GRM7: variants seen among roughly 807,000 people sequenced by gnomAD.
The protein encoded by GRM7 is metabotropic glutamate receptor 7.
GRM7 carries 35 observed loss-of-function variants against 84.5 expected under a neutral mutation model. That is an observed-to-expected ratio of 0.41 (90% CI 0.32 to 0.55). The LOEUF is 0.55. Among genes scored for constraint, GRM7 ranks in the 20% least tolerant of loss-of-function variants. GRM7 has a pLI of 0.19. For synonymous variants in GRM7, 487 were observed against 455.1 expected (o/e 1.07, Z -0.89); for missense variants, 1,003 against 1,194.6 (o/e 0.84, Z 2.36).
chr3:7,698,826 C>G (rs1701116395), intron 9 of GRM7, among the ~76,000 whole-genome samples: 1 of 152,140 alleles, frequency 6.6e-6, no homozygotes, highest in Admixed American at 6.5e-5. Context: ...ATGGGTAAGC[C>G]TGGAGAAGAG....
At position 7,415,180 on chromosome 3, in the gene GRM7, T is replaced by G. The variant is rs754515522; in HGVS notation, c.1174+17T>G. 6.2e-7 allele frequency: 1 copy of G among 1,608,752 alleles called. No individual in the cohort carries two copies. Among genetic ancestry groups the G allele is most frequent in the East Asian group, 2.2e-5 (1 of 44,790 alleles). On this transcript the variant is annotated intron_variant, in intron 5 of 9. Transcript: ENST00000357716. The stretch of plus-strand genomic sequence containing the variant: ...AATGCACAGGTAATTTAATTCTCGT[T>G]GTCCTTCTCCTATTACTCTACGTGG...
At chr3:7,023,673 G>C (rs996227480) in intron 1 of GRM7, among the ~76,000 whole-genome samples, 5 of 152,132 alleles carry the variant, frequency 3.3e-5, no homozygotes, top group Non-Finnish European at 7.4e-5. Flanking sequence ...AGAGGCCCTT[G>C]GTGTTCCTGG....
chr3:6,942,436 A>G (rs894900687), intron 1 of GRM7, among the ~76,000 whole-genome samples: 2 of 152,140 alleles, frequency 1.3e-5, no homozygotes, highest in Non-Finnish European at 2.9e-5. Flanking sequence ...TTGTTAATTA[A>G]GCTTCCGTCA....
intron 7 of GRM7, among the ~76,000 whole-genome samples, chr3:7,526,831 A>G (rs1338095095): frequency 2.0e-5 from 3 of 151,818 alleles, no homozygotes; most frequent in African/African-American, 7.2e-5. Flanking sequence ...AGATTAGTTG[A>G]TTGTAGGTGT....
rs1575091923 is a variant in GRM7 at position 7,259,517 on chromosome 3, C to G, written c.737-39167C>G. 2.6e-5 allele frequency among the ~76,000 whole-genome samples: 4 copies of G among 152,262 alleles called. 1 individual carries two copies. Among genetic ancestry groups the G allele is most frequent in the Admixed American group, 2.6e-4 (4 of 15,296 alleles). The stretch of plus-strand genomic sequence containing the variant: ...ATGTGTTCTCATCATTTAGCCCCCA[C>G]TTATAAGTGATAATATGTGGTATTT... On this transcript the variant is annotated intron_variant, in intron 2 of 9. Coordinates refer to ENST00000357716, the MANE Select transcript of GRM7 (RefSeq NM_000844.4).
chr3:7,477,166 G>T (rs9877337), intron 7 of GRM7, among the ~76,000 whole-genome samples: 19,071 of 152,098 alleles, frequency 0.13, 3,913 homozygotes, highest in African/African-American at 0.43. Context: ...AACTACAGTT[G>T]AGAGAGAAGA....
chr3:7,172,846 A>G (rs886326678), intron 2 of GRM7, among the ~76,000 whole-genome samples: 2 of 152,204 alleles, frequency 1.3e-5, no homozygotes, highest in African/African-American at 2.4e-5. Flanking sequence ...TAATGGATAC[A>G]GATACTATGC....
At chr3:7,649,285 A>T (rs897716706) in intron 8 of GRM7, among the ~76,000 whole-genome samples, 1 of 151,952 alleles carries the variant, frequency 6.6e-6, no homozygotes, top group Non-Finnish European at 1.5e-5. Flanking sequence ...TAGCCAGGAT[A>T]GTCCCGATCT....
intron 4 of GRM7, among the ~76,000 whole-genome samples, chr3:7,377,391 C>G (rs897311406): frequency 1.3e-5 from 2 of 152,158 alleles, no homozygotes; most frequent in Non-Finnish European, 2.9e-5. Context: ...ACTGAATCTT[C>G]TCTTTTGTAA....
intron 7 of GRM7, among the ~76,000 whole-genome samples, chr3:7,481,556 G>A (rs898160214): frequency 1.3e-5 from 2 of 152,150 alleles, no homozygotes; most frequent in African/African-American, 4.8e-5. Context: ...GCCTCTCTGG[G>A]CCTCAGTTTC....
At chr3:6,943,733 G>A (rs1697967181) in intron 1 of GRM7, among the ~76,000 whole-genome samples, 1 of 151,888 alleles carries the variant, frequency 6.6e-6, no homozygotes, top group East Asian at 1.9e-4. Context: ...TCACCTGTTG[G>A]GTTATGTTTG....
chr3:7,113,512 A>G (rs181033889), intron 1 of GRM7, among the ~76,000 whole-genome samples: 1 of 152,238 alleles, frequency 6.6e-6, no homozygotes, highest in Admixed American at 6.5e-5. Flanking sequence ...AGCATCCCAA[A>G]GTGCTGGGAT....
chr3:7,474,673 T>C (rs990441703), intron 7 of GRM7, among the ~76,000 whole-genome samples: 4 of 152,168 alleles, frequency 2.6e-5, no homozygotes, highest in Admixed American at 6.6e-5. Flanking sequence ...TGCATTTGAC[T>C]GATTGTGGAG....
intron 1 of GRM7, among the ~76,000 whole-genome samples, chr3:6,954,279 T>G (rs561089539): frequency 6.6e-6 from 1 of 152,220 alleles, no homozygotes; most frequent in Admixed American, 6.5e-5. Flanking sequence ...ACCTTGTTGT[T>G]AACTATAGTC....
rs554570350 is a variant in GRM7, at chr3:7,715,897, C to G, written c.2699-24460C>G. ...GCTACTGCAGGTATTTGTCTCTTCT[C>G]CCACTCTGCTCATTTCCACCTCCTC... On this transcript the variant is annotated intron_variant, in intron 9 of 9. Coordinates refer to ENST00000357716, the MANE Select transcript of GRM7 (RefSeq NM_000844.4). Among the ~76,000 whole-genome samples the G allele has an allele frequency of 1.2e-4, 19 of 152,280 alleles. No individual in the cohort carries two copies. In the South Asian group the frequency reaches 3.5e-3, roughly 28 times the overall value.
At chr3:7,017,447 C>T (rs746174506) in intron 1 of GRM7, among the ~76,000 whole-genome samples, 1 of 152,092 alleles carries the variant, frequency 6.6e-6, no homozygotes, top group Non-Finnish European at 1.5e-5. Flanking sequence ...GCTGGGCAAG[C>T]GAGTCAATTT....
chr3:7,526,280 C>G lies in GRM7; in HGVS notation c.1516-52142C>G, dbSNP rs192305431. Among the ~76,000 whole-genome samples, 50 of 152,256 alleles carry G rather than the reference C, an allele frequency of 3.3e-4. No homozygotes were observed. In the East Asian group the frequency reaches 7.0e-3, roughly 21 times the overall value. On this transcript the variant is annotated intron_variant, in intron 7 of 9. Transcript: ENST00000357716. Reference sequence around the variant, plus strand: ...CACATAGTGGTTTTGATTAGTGTCTCTCTGCCAACTGGTGATGTAAAGCTT... The same window carrying G: ...CACATAGTGGTTTTGATTAGTGTCTGTCTGCCAACTGGTGATGTAAAGCTT...
At chr3:7,061,711 G>C (rs1697439374) in intron 1 of GRM7, among the ~76,000 whole-genome samples, 2 of 151,718 alleles carry the variant, frequency 1.3e-5, no homozygotes, top group East Asian at 3.9e-4. Context: ...AGGAGAGTAA[G>C]AACAGAAGCT....
chr3:7,125,393 G>C (rs550545515), intron 1 of GRM7, among the ~76,000 whole-genome samples: 2 of 152,154 alleles, frequency 1.3e-5, no homozygotes, highest in Admixed American at 6.5e-5. Flanking sequence ...CCTTATTTCT[G>C]GTTTCATCCC....
Sources: gnomAD v4.1 joint callset for allele counts (sites outside exome capture counted in the v4.1 genomes callset) on GRCh38, gnomAD v4.1.1 for gene constraint, MANE v1.5 for transcripts, NCBI Gene and HGNC (gene_info 2026-07-23, HGNC 2026-07-21) for gene names.